The following CIB1 variants were observed in gnomAD, a reference collection of about 807,000 sequenced individuals.
CIB1 encodes the protein calcium and integrin-binding protein 1.
In CIB1, 19 loss-of-function variants were observed where a neutral mutation model predicts 25.0. The observed-to-expected ratio is 0.76, with a 90% CI of 0.53 to 1.12. The LOEUF (loss-of-function observed/expected upper bound fraction) is 1.12. Among genes scored for constraint, CIB1 ranks in the 50% most tolerant of loss-of-function variants. The pLI, the probability that CIB1 is intolerant of heterozygous loss-of-function variation, is 0.00. For missense variants in CIB1, 236 were observed against 242.6 expected, an observed-to-expected ratio of 0.97 and a Z score of 0.18; for synonymous variants, 104 against 98.5, an observed-to-expected ratio of 1.06 and a Z score of -0.33.
Position 90,233,010 on chromosome 15 carries a change from C to T in CIB1, c.86+659G>A, listed in dbSNP as rs137861549. ...TCCAGGGATCTCTTACCCTCAAAGC[C>T]TCCTTTTTAGCAACCACACTGAACT... is the stretch of plus-strand genomic sequence containing the variant. On this transcript the variant is annotated intron_variant, in intron 2 of 6. Transcript: ENST00000328649. Among the ~76,000 whole-genome samples, 141 of 152,272 alleles carry T rather than the reference C, an allele frequency of 9.3e-4. 1 individual carries two copies. Among genetic ancestry groups the T allele is most frequent in the African/African-American group, 3.3e-3 (137 of 41,552 alleles).
the CIB1 span, chr15:90,251,416 G>A: frequency 1.0e-5 from 9 of 874,564 alleles, no homozygotes; most frequent in East Asian, 2.7e-5. Context: ...GAGCCACCGC[G>A]CCCAGCCCAT....
In CIB1 at chr15:90,231,517, C is replaced by G; in HGVS notation, c.196-10G>C. The G allele has an allele frequency of 6.2e-7, 1 of 1,612,638 alleles. No homozygotes were observed. The highest frequency in any genetic ancestry group is 8.5e-7 in the Non-Finnish European group (1 of 1,179,342). ...CCTTGAAGGGGTTGGCCTAGGAGAA[C>G]AAACGCCACAGGACGTGGCCCAGGT... On this transcript the variant is annotated splice_polypyrimidine_tract_variant and intron_variant, in intron 3 of 6. Coordinates refer to ENST00000328649, the MANE Select transcript of CIB1 (RefSeq NM_006384.4).
chr15:90,252,947 G>C, the CIB1 span, among the ~76,000 whole-genome samples: 1 of 152,166 alleles, frequency 6.6e-6, no homozygotes, highest in African/African-American at 2.4e-5. Context: ...AGGTTGCAGT[G>C]AGCCAAGACC....
chr15:90,255,449 G>A, the CIB1 span, among the ~76,000 whole-genome samples: 2 of 152,308 alleles, frequency 1.3e-5, no homozygotes, highest in African/African-American at 4.8e-5. Context: ...ACTAGGCCTG[G>A]TGGTCTGAGG....
chr15:90,256,546 T>G, the CIB1 span, among the ~76,000 whole-genome samples: 1 of 18,274 alleles, frequency 5.5e-5, no homozygotes, highest in Non-Finnish European at 9.9e-5. Context: ...CTCCTTCCTT[T>G]TTCTTTCTTT....
At chr15:90,238,161 G>A (rs572673929), upstream of CIB1, among the ~76,000 whole-genome samples, 33 of 152,220 alleles carry the variant, frequency 2.2e-4, no homozygotes, top group Non-Finnish European at 3.5e-4. Context: ...TTAGCCGGGC[G>A]TGGTGACACA....
chr15:90,251,893 G>A, the CIB1 span, among the ~76,000 whole-genome samples: 1 of 149,132 alleles, frequency 6.7e-6, no homozygotes, highest in South Asian at 2.1e-4. Flanking sequence ...ATTTATTTTT[G>A]AGACAGAGTC....
chr15:90,258,199 C>T, the CIB1 span: 1 of 1,614,268 alleles, frequency 6.2e-7, no homozygotes, highest in South Asian at 1.1e-5. Context: ...AATGGAGGTA[C>T]ATGTGCCTGT....
At chr15:90,265,328 A>G in the CIB1 span, 1 of 1,219,352 alleles carries the variant, frequency 8.2e-7, no homozygotes, top group Non-Finnish European at 1.0e-6. Context: ...CCGAGTGCCC[A>G]AGGCACTGGG....
the CIB1 span, chr15:90,253,369 T>C: frequency 1.2e-6 from 2 of 1,609,118 alleles, no homozygotes; most frequent in Non-Finnish European, 1.7e-6. Flanking sequence ...AGGTTTCAGG[T>C]ACCCATCTCC....
At chr15:90,243,006 C>T in the CIB1 span, 2 of 99,088 alleles carry the variant, frequency 2.0e-5, no homozygotes, top group African/African-American at 6.0e-5. Flanking sequence ...TACCTCTCCC[C>T]GTTCTTGTTC....
At chr15:90,262,120 C>T in the CIB1 span, 37 of 1,535,800 alleles carry the variant, frequency 2.4e-5, no homozygotes, top group South Asian at 3.3e-4. Context: ...AGAAGTATGC[C>T]CGCTTCTTCA....
chr15:90,256,606 T>TTTCTTTTTCTTTCTTTCTTTCC, the CIB1 span, among the ~76,000 whole-genome samples: 1 of 30,510 alleles, frequency 3.3e-5, no homozygotes, highest in Non-Finnish European at 6.2e-5. Flanking sequence ...TCTTTCTTTC[T>TTTCTTTTTCTTTCTTTCTTTCC]TTCCTTCCTT....
At chr15:90,250,866 G>A in the CIB1 span, 733 of 1,613,982 alleles carry the variant, frequency 4.5e-4, no homozygotes, top group Non-Finnish European at 5.6e-4. Flanking sequence ...GCTGGGAGGA[G>A]GAAGAGAAGG....
chr15:90,240,820 A>AG, the CIB1 span: 4 of 958,840 alleles, frequency 4.2e-6, no homozygotes, highest in South Asian at 6.8e-5. Context: ...TCTCAAAAAA[A>AG]AAAATAAATA....
At chr15:90,251,271 G>C in the CIB1 span, among the ~76,000 whole-genome samples, 2 of 124,672 alleles carry the variant, frequency 1.6e-5, no homozygotes, top group Non-Finnish European at 3.3e-5. Context: ...CTGCCACCAC[G>C]CATGGCAAAT....
chr15:90,257,976 C>G, the CIB1 span: 8 of 1,512,008 alleles, frequency 5.3e-6, no homozygotes, highest in East Asian at 1.8e-4. Context: ...AGGGAGCCTC[C>G]TGCCTACAGC....
At chr15:90,254,650 C>T in the CIB1 span, among the ~76,000 whole-genome samples, 1 of 151,388 alleles carries the variant, frequency 6.6e-6, no homozygotes, top group African/African-American at 2.4e-5. Context: ...CCAGCCTGGG[C>T]AACAGGCAAA....
At chr15:90,262,587 C>A in the CIB1 span, 1 of 1,534,712 alleles carries the variant, frequency 6.5e-7, no homozygotes, top group Non-Finnish European at 8.7e-7. Flanking sequence ...GGTGAATCAG[C>A]TGGGGAGAAA....
Sources: allele counts gnomAD v4.1 joint callset (sites outside exome capture counted in the v4.1 genomes callset), GRCh38; gene constraint gnomAD v4.1.1; transcripts MANE v1.5; gene names NCBI Gene and HGNC (gene_info 2026-07-23, HGNC 2026-07-21).